The following KANSL3 variants were observed in gnomAD, a reference collection of about 807,000 sequenced individuals.
The protein encoded by KANSL3 is KAT8 regulatory NSL complex subunit 3.
In KANSL3, 16 loss-of-function variants were observed where a neutral mutation model predicts 89.2. That is an observed-to-expected ratio of 0.18 (90% CI 0.12 to 0.27). The LOEUF is 0.27. Ranked by LOEUF, KANSL3 falls within the 10% of genes least tolerant of loss-of-function variation. The pLI is 1.00. For missense variants in KANSL3, 879 were observed against 1,110.6 expected (o/e 0.79, Z 2.96); for synonymous variants, 385 against 419.7 (o/e 0.92, Z 1.01).
chr2:96,615,275 G>C, intron 5 of KANSL3: 1 of 160,960 alleles, frequency 6.2e-6, no homozygotes, highest in Non-Finnish European at 1.4e-5. Flanking sequence ...TCCTCAATGA[G>C]TATCAGTTGA....
At chr2:96,636,424 C>T (rs1403672317) in intron 2 of KANSL3, among the ~76,000 whole-genome samples, 1 of 152,146 alleles carries the variant, frequency 6.6e-6, no homozygotes, top group East Asian at 1.9e-4. Flanking sequence ...CTATGGATAG[C>T]AGCTCTGTAA....
At chr2:96,613,931 A>G (rs2069468768) in intron 5 of KANSL3, among the ~76,000 whole-genome samples, 1 of 152,212 alleles carries the variant, frequency 6.6e-6, no homozygotes, top group African/African-American at 2.4e-5. Context: ...ATCAGAAACA[A>G]AAACACACAC....
At chr2:96,604,968 G>C (rs2067761235) in intron 15 of KANSL3, 105 bp from the exon 16 acceptor site, 1 of 912,568 alleles carries the variant, frequency 1.1e-6, no homozygotes, top group African/African-American at 1.7e-5. Context: ...ACGAAAACTG[G>C]AAAATGAAAA....
the KANSL3 span, among the ~76,000 whole-genome samples, chr2:96,583,353 T>C: frequency 4.6e-5 from 7 of 152,222 alleles, no homozygotes; most frequent in Non-Finnish European, 1.0e-4. Flanking sequence ...AACATTTGTA[T>C]ACATCCTTGT....
downstream of KANSL3, chr2:96,593,098 G>A: frequency 2.7e-6 from 1 of 368,388 alleles, no homozygotes; most frequent in South Asian, 2.0e-5. Flanking sequence ...TCTACCTTTG[G>A]TGCCCACTTC....
chr2:96,609,129 T>C (rs921167460), intron 12 of KANSL3, 65 bp from the exon 13 acceptor site: 17 of 1,381,994 alleles, frequency 1.2e-5, no homozygotes, highest in Middle Eastern at 3.5e-4. Flanking sequence ...ACCTCTCATA[T>C]ACTTTCCAAC....
At chr2:96,622,613 A>T in intron 3 of KANSL3, among the ~76,000 whole-genome samples, 1 of 152,242 alleles carries the variant, frequency 6.6e-6, no homozygotes, top group Non-Finnish European at 1.5e-5. Context: ...AACCTAAGTC[A>T]GATCATGTCA....
At chr2:96,611,898 C>T (rs1466154642) in intron 9 of KANSL3, among the ~76,000 whole-genome samples, 6 of 36,850 alleles carry the variant, frequency 1.6e-4, no homozygotes, top group African/African-American at 5.0e-4. Context: ...CAGATATATA[C>T]CCATATGTGT....
intron 14 of KANSL3, chr2:96,607,113 T>C: frequency 1.9e-6 from 2 of 1,037,104 alleles, no homozygotes; most frequent in Non-Finnish European, 2.6e-6. Context: ...AGAGAGGGAA[T>C]AAGAAAAAAG....
chr2:96,585,955 G>A, the KANSL3 span, among the ~76,000 whole-genome samples: 3 of 152,156 alleles, frequency 2.0e-5, no homozygotes, highest in East Asian at 1.9e-4. Flanking sequence ...GGCTGGGCGC[G>A]GTGGCTCATG....
chr2:96,588,280 A>T (rs966305469), downstream of KANSL3, among the ~76,000 whole-genome samples: 3 of 152,246 alleles, frequency 2.0e-5, no homozygotes, highest in African/African-American at 7.2e-5. Context: ...TACAAACGGG[A>T]AACAATTTGA....
intron 3 of KANSL3, among the ~76,000 whole-genome samples, chr2:96,620,061 A>C (rs964137863): frequency 3.9e-5 from 6 of 152,250 alleles, no homozygotes; most frequent in African/African-American, 1.2e-4. Context: ...AGCAAAGCTA[A>C]TTACTTACTT....
intron 3 of KANSL3, among the ~76,000 whole-genome samples, chr2:96,625,883 C>T (rs1261459821): frequency 6.6e-6 from 1 of 152,102 alleles, no homozygotes; most frequent in East Asian, 1.9e-4. Flanking sequence ...ATTTTAAAAA[C>T]AGGAGACAGA....
At chr2:96,615,808 C>T (rs567386119) in intron 5 of KANSL3, among the ~76,000 whole-genome samples, 112 of 152,242 alleles carry the variant, frequency 7.4e-4, no homozygotes, top group Non-Finnish European at 1.4e-3. Flanking sequence ...AGGTACCAGG[C>T]TAGTACTGCA....
the KANSL3 span, among the ~76,000 whole-genome samples, chr2:96,587,980 A>G: frequency 0.015 from 2,308 of 152,082 alleles, 59 homozygotes; most frequent in African/African-American, 0.053. Flanking sequence ...AAACCAACAG[A>G]AAAAAAACAA....
At chr2:96,629,166 C>T (rs6741277) in intron 3 of KANSL3, among the ~76,000 whole-genome samples, 116,854 of 152,148 alleles carry the variant, frequency 0.77, 46,102 homozygotes, top group African/African-American at 0.94. Flanking sequence ...ACTCAACAAA[C>T]GGTAGCTCCT....
At chr2:96,620,650 GA>G (rs895448237) in intron 3 of KANSL3, among the ~76,000 whole-genome samples, 2 of 152,110 alleles carry the variant, frequency 1.3e-5, no homozygotes, top group African/African-American at 4.8e-5. Context: ...GATACCAAAA[GA>G]AAGGCAATTG....
intron 12 of KANSL3, 144 bp from the exon 13 acceptor site, chr2:96,609,208 C>A: frequency 2.4e-6 from 2 of 816,512 alleles, no homozygotes; most frequent in South Asian, 1.8e-5. Flanking sequence ...CAAGGTCTGG[C>A]GCAAATCCCA....
Position 96,636,931 on chromosome 2 carries a change from C to T in KANSL3, c.205G>A (p.Glu69Lys). The T allele has an allele frequency of 6.5e-7, 1 of 1,529,318 alleles. No individual in the cohort carries two copies. The highest frequency in any genetic ancestry group is 8.8e-7 in the Non-Finnish European group (1 of 1,134,524). The allele number at this position is 1,529,318 out of a possible 1,614,324, so 94.7% of individuals were successfully genotyped here. A position where few individuals can be genotyped will look rare whatever the true frequency, so the allele number is the denominator to read the frequency against. Residue 69 changes from glutamate to lysine, a missense_variant, in exon 2 of 21, where the codon GAA becomes AAA. Around this residue, in one of 6 missense-constraint regions of KANSL3, gnomAD observed 210 missense variants for 311.9 expected, o/e 0.67. Coordinates refer to ENST00000431828, the MANE Select transcript of KANSL3 (RefSeq NM_001115016.3). ...MLFVTPRRQH[E>K]STIESDVPID... Reference sequence around the variant, plus strand: ...GAAGCCCCAACTCACATGGTACTTTCGTGCTGCCGCCGGGGAGTGACAAAG... The same window carrying T: ...GAAGCCCCAACTCACATGGTACTTTTGTGCTGCCGCCGGGGAGTGACAAAG...
Sources: gnomAD v4.1 joint callset for allele counts (sites outside exome capture counted in the v4.1 genomes callset) on GRCh38, gnomAD v4.1.1 for gene constraint, gnomAD v4.1.1 regional missense constraint, MANE v1.5 for transcripts, NCBI Gene and HGNC (gene_info 2026-07-23, HGNC 2026-07-21) for gene names.